The following IGFBP7 variants were observed in gnomAD, a reference collection of about 807,000 sequenced individuals.
IGFBP7 encodes insulin-like growth factor-binding protein 7.
In IGFBP7, 31 loss-of-function variants were observed where a neutral mutation model predicts 29.4. The observed-to-expected ratio is 1.05, with a 90% CI of 0.79 to 1.42. IGFBP7 has a LOEUF of 1.42. Among genes scored for constraint, IGFBP7 ranks in the 40% most tolerant of loss-of-function variants. IGFBP7 has a pLI of 0.00. For synonymous variants in IGFBP7, 172 were observed against 174.9 expected (o/e 0.98, Z 0.13); for missense variants, 393 against 395.5 (o/e 0.99, Z 0.05).
At chr4:57,058,186 G>A (rs1256569801) in intron 1 of IGFBP7, among the ~76,000 whole-genome samples, 1 of 152,200 alleles carries the variant, frequency 6.6e-6, no homozygotes, top group Non-Finnish European at 1.5e-5. Flanking sequence ...GCACTAGCTA[G>A]CTTTCCTCAA....
At chr4:57,067,775 T>C (rs1724955309) in intron 1 of IGFBP7, among the ~76,000 whole-genome samples, 1 of 152,036 alleles carries the variant, frequency 6.6e-6, no homozygotes, top group Non-Finnish European at 1.5e-5. Context: ...TTTGCAACAC[T>C]TCAGGACTTC....
Position 57,110,218 on chromosome 4 carries a change from G to A in IGFBP7, c.134C>T (p.Pro45Leu). 1 of 1,370,158 alleles carries A rather than the reference G, an allele frequency of 7.3e-7. No individual in the cohort carries two copies. Among genetic ancestry groups the A allele is most frequent in the Non-Finnish European group, 9.4e-7 (1 of 1,068,452 alleles). The allele number at this position is 1,370,158 out of a possible 1,614,324, so 84.9% of individuals were successfully genotyped here. Residue 45 changes from proline to leucine, a missense_variant, in exon 1 of 5, where the codon CCG (proline) becomes CTG (leucine). Transcript: ENST00000295666. ...GGTCTCGCCCAGCAGGCAGCCCAGCGGGGGCAGGGGCGGGCAGGAGGCCGG... is the reference window on the plus strand; with the variant it reads ...GGTCTCGCCCAGCAGGCAGCCCAGCAGGGGCAGGGGCGGGCAGGAGGCCGG... The part of the protein sequence containing the change: ...CEPASCPPLP[P>L]LGCLLGETRD...
intron 1 of IGFBP7, among the ~76,000 whole-genome samples, chr4:57,071,203 T>C (rs1725044947): frequency 1.4e-5 from 2 of 143,504 alleles, no homozygotes; most frequent in African/African-American, 5.2e-5. Context: ...TTTTGATATA[T>C]TGGGGGGGAA....
chr4:57,110,373 C>G lies in IGFBP7; in HGVS notation c.-22G>C. ...CCATGGCGGGGTGCGGTGGCAGCGG[C>G]AAGGGCGCGAGTGAGCCGTGTCGGG... On this transcript the variant is annotated 5_prime_UTR_variant, in exon 1 of 5. Transcript: ENST00000295666. 3 of 1,326,018 alleles carry G rather than the reference C, an allele frequency of 2.3e-6. No individual in the cohort carries two copies. Among genetic ancestry groups the G allele is most frequent in the Non-Finnish European group, 2.9e-6 (3 of 1,039,116 alleles). The allele number at this position is 1,326,018 out of a possible 1,614,324, so 82.1% of individuals were successfully genotyped here.
At chr4:57,048,538 G>C (rs1724423842) in intron 1 of IGFBP7, among the ~76,000 whole-genome samples, 1 of 152,156 alleles carries the variant, frequency 6.6e-6, no homozygotes, top group Non-Finnish European at 1.5e-5. Flanking sequence ...ATTTAAGAAA[G>C]GCAGTTCTCA....
intron 1 of IGFBP7, chr4:57,072,659 A>C (rs1725082426): frequency 4.6e-6 from 1 of 217,500 alleles, no homozygotes; most frequent in Non-Finnish European, 8.9e-6. Context: ...AGCCACCACC[A>C]GCAGGGGTGC....
At chr4:57,045,755 A>G (rs1724343620) in intron 1 of IGFBP7, among the ~76,000 whole-genome samples, 3 of 145,764 alleles carry the variant, frequency 2.1e-5, no homozygotes, top group Non-Finnish European at 3.0e-5. Flanking sequence ...TTTTAGATGG[A>G]GTTTTGCACT....
intron 1 of IGFBP7, among the ~76,000 whole-genome samples, chr4:57,088,738 C>A (rs1463660904): frequency 6.6e-6 from 1 of 151,990 alleles, no homozygotes; most frequent in African/African-American, 2.4e-5. Flanking sequence ...TTAAGAGGAG[C>A]AACTTGCTGG....
chr4:57,105,390 A>T (rs766063376), intron 1 of IGFBP7, among the ~76,000 whole-genome samples: 3 of 152,216 alleles, frequency 2.0e-5, no homozygotes, highest in Non-Finnish European at 4.4e-5. Context: ...TGCATTAGAC[A>T]TGTGTTTAAA....
At chr4:57,050,690 A>T (rs1172493773) in intron 1 of IGFBP7, among the ~76,000 whole-genome samples, 1 of 151,784 alleles carries the variant, frequency 6.6e-6, no homozygotes, top group Non-Finnish European at 1.5e-5. Context: ...GACTACAGGC[A>T]AGTGCAACCA....
chr4:57,109,766 G>A (rs1165380039), intron 1 of IGFBP7, 111 bp downstream of exon 1: 4 of 1,296,536 alleles, frequency 3.1e-6, no homozygotes, highest in South Asian at 3.2e-5. Flanking sequence ...GGATGCCCGC[G>A]GGGGAATCGC....
chr4:57,074,054 TC>T lies in IGFBP7; in HGVS notation c.476-33122del, dbSNP rs1725133199. ...TGGAAAATGCATCTCTCTCTCTCTCTCTCTCTCTCTCTCTTTTTTCTTTTGA... is the reference window on the plus strand; with the variant it reads ...TGGAAAATGCATCTCTCTCTCTCTCTTCTCTCTCTCTCTTTTTTCTTTTGA... On this transcript the variant is annotated intron_variant, in intron 1 of 4. Transcript: ENST00000295666. Among the ~76,000 whole-genome samples, 3 of 65,776 alleles carry T rather than the reference TC, an allele frequency of 4.6e-5. No homozygotes were observed. The Admixed American group carries it at 6.7e-4, about 15-fold the overall frequency. The allele number at this position is 65,776 out of a possible 152,430, so 43.2% of individuals were successfully genotyped here.
At chr4:57,038,907 A>G (rs1052311423) in intron 2 of IGFBP7, among the ~76,000 whole-genome samples, 2 of 151,994 alleles carry the variant, frequency 1.3e-5, no homozygotes, top group African/African-American at 2.4e-5. Context: ...TCTCTACTGA[A>G]AATACAAAGT....
chr4:57,035,757 G>C (rs1410333435), intron 2 of IGFBP7, among the ~76,000 whole-genome samples: 1 of 152,110 alleles, frequency 6.6e-6, no homozygotes, highest in African/African-American at 2.4e-5. Context: ...CACTGTGCCT[G>C]GCCAATAAAT....
intron 1 of IGFBP7, among the ~76,000 whole-genome samples, chr4:57,076,921 G>A (rs559919970): frequency 1.2e-3 from 186 of 152,270 alleles, no homozygotes; most frequent in Admixed American, 4.8e-3. Flanking sequence ...AGTTGTCAGG[G>A]ATGTATCCTT....
chr4:57,065,496 G>T (rs1246365573), intron 1 of IGFBP7: 1 of 152,202 alleles, frequency 6.6e-6, no homozygotes, highest in East Asian at 1.9e-4. Flanking sequence ...CACTCTTGAC[G>T]CGTGGAGTAC....
chr4:57,088,660 A>C (rs901939653), intron 1 of IGFBP7, among the ~76,000 whole-genome samples: 3 of 152,156 alleles, frequency 2.0e-5, no homozygotes, highest in African/African-American at 7.2e-5. Context: ...CCTCATATGA[A>C]GTTAATACTC....
At chr4:57,085,497 T>C (rs1288892352) in intron 1 of IGFBP7, among the ~76,000 whole-genome samples, 2 of 152,262 alleles carry the variant, frequency 1.3e-5, no homozygotes, top group Non-Finnish European at 2.9e-5. Flanking sequence ...CACCACATTT[T>C]CGAGTTATTC....
chr4:57,092,184 C>T (rs540149908), intron 1 of IGFBP7, among the ~76,000 whole-genome samples: 1 of 152,206 alleles, frequency 6.6e-6, no homozygotes, highest in Non-Finnish European at 1.5e-5. Flanking sequence ...CATTTTCAAG[C>T]TGCTCTAGTA....
Sources: allele counts gnomAD v4.1 joint callset (sites outside exome capture counted in the v4.1 genomes callset), GRCh38; gene constraint gnomAD v4.1.1; transcripts MANE v1.5; gene names NCBI Gene and HGNC (gene_info 2026-07-23, HGNC 2026-07-21).